BICD1: variants seen among roughly 807,000 people sequenced by gnomAD.
The protein encoded by BICD1 is protein bicaudal D homolog 1.
BICD1 carries 35 observed loss-of-function variants against 92.5 expected under a neutral mutation model. That is an observed-to-expected ratio of 0.38 (90% CI 0.29 to 0.50). The LOEUF is 0.50. Among genes scored for constraint, BICD1 ranks in the 20% least tolerant of loss-of-function variants. The probability of loss-of-function intolerance (pLI) is 0.93; values close to 1 mark genes in which losing one functional copy is unlikely to be tolerated. For synonymous variants in BICD1, 429 were observed against 465.1 expected (o/e 0.92, Z 1.00); for missense variants, 950 against 1,189.8 (o/e 0.80, Z 2.97).
chr12:32,205,537 T>C (rs1945024681), intron 1 of BICD1, among the ~76,000 whole-genome samples: 1 of 151,762 alleles, frequency 6.6e-6, no homozygotes, highest in Non-Finnish European at 1.5e-5. Context: ...GTACAGTTTT[T>C]GTAATCTTTT....
chr12:32,282,839 C>T (rs940289325), intron 2 of BICD1, among the ~76,000 whole-genome samples: 8 of 152,116 alleles, frequency 5.3e-5, no homozygotes, highest in Non-Finnish European at 8.8e-5. Flanking sequence ...AGGTGGCCAC[C>T]GATCCAATGA....
At chr12:32,156,650 T>A (rs1397805788) in intron 1 of BICD1, among the ~76,000 whole-genome samples, 1 of 152,184 alleles carries the variant, frequency 6.6e-6, no homozygotes, top group Admixed American at 6.6e-5. Flanking sequence ...TATTACTCTT[T>A]CCTGAAGAGC....
At chr12:32,221,644 G>A (rs1273472421) in intron 2 of BICD1, among the ~76,000 whole-genome samples, 1 of 151,756 alleles carries the variant, frequency 6.6e-6, no homozygotes, top group African/African-American at 2.4e-5. Context: ...TTGCGCCACT[G>A]TACTCCAGCC....
chr12:32,208,069 G>A (rs1001079281), intron 1 of BICD1, among the ~76,000 whole-genome samples: 2 of 152,180 alleles, frequency 1.3e-5, no homozygotes, highest in Non-Finnish European at 2.9e-5. Context: ...ATTTTGGTAC[G>A]AATTTTATAT....
intron 8 of BICD1, among the ~76,000 whole-genome samples, chr12:32,341,540 A>G (rs920241114): frequency 2.6e-5 from 4 of 152,158 alleles, no homozygotes; most frequent in Non-Finnish European, 4.4e-5. Context: ...CATGCTAATG[A>G]CAGCTTAACA....
chr12:32,124,200 A>T (rs1942250979), intron 1 of BICD1, among the ~76,000 whole-genome samples: 1 of 152,230 alleles, frequency 6.6e-6, no homozygotes, highest in Non-Finnish European at 1.5e-5. Flanking sequence ...TTTATTTATT[A>T]AATCTTTAGA....
At chr12:32,197,125 C>T (rs1252658232) in intron 1 of BICD1, among the ~76,000 whole-genome samples, 1 of 151,876 alleles carries the variant, frequency 6.6e-6, no homozygotes, top group African/African-American at 2.4e-5. Flanking sequence ...TCTTATGCCT[C>T]AGCCTCCGGA....
chr12:32,222,871 A>G lies in BICD1; in HGVS notation c.426+6412A>G, dbSNP rs76380587. ...ACAAGGTGCCATCTTGGACGCAGAG[A>G]GCAGCTCTCACCAGACACTGAACCT... On this transcript the variant is annotated intron_variant, in intron 2 of 9. Coordinates refer to ENST00000652176, the MANE Select transcript of BICD1 (RefSeq NM_001714.4). 8.5e-3 allele frequency among the ~76,000 whole-genome samples: 1,301 copies of G among 152,276 alleles called. 16 individuals are homozygous for G. The highest frequency in any genetic ancestry group is 0.03 in the African/African-American group (1,230 of 41,538).
At chr12:32,116,795 G>A (rs1488731701) in intron 1 of BICD1, among the ~76,000 whole-genome samples, 2 of 151,790 alleles carry the variant, frequency 1.3e-5, no homozygotes, top group South Asian at 2.1e-4. Flanking sequence ...GCTCAGGCTG[G>A]TCTTGAACTT....
At chr12:32,201,794 A>AC (rs1167144520) in intron 1 of BICD1, among the ~76,000 whole-genome samples, 3 of 152,138 alleles carry the variant, frequency 2.0e-5, no homozygotes, top group South Asian at 2.1e-4. Context: ...AAAAAAAAAA[A>AC]ACACAATCTT....
chr12:32,220,985 A>G (rs1006136069), intron 2 of BICD1, among the ~76,000 whole-genome samples: 4 of 150,038 alleles, frequency 2.7e-5, no homozygotes, highest in African/African-American at 9.8e-5. Context: ...TCCGTAAACT[A>G]TTGCAAGAAC....
intron 3 of BICD1, among the ~76,000 whole-genome samples, chr12:32,304,246 A>G (rs890096669): frequency 6.6e-6 from 1 of 152,224 alleles, no homozygotes; most frequent in Non-Finnish European, 1.5e-5. Flanking sequence ...ATATATGATG[A>G]TGATACTGGT....
At position 32,313,923 on chromosome 12, in the gene BICD1, G is replaced by T. The variant is rs201287856; in HGVS notation, c.1005+7801G>T. On this transcript the variant is annotated intron_variant, in intron 4 of 9. Coordinates refer to ENST00000652176, the MANE Select transcript of BICD1 (RefSeq NM_001714.4). This position sits in a 1 kb window ranked among gnomAD's most constrained non-coding sequence, Gnocchi z 4.2. The stretch of plus-strand genomic sequence containing the variant: ...TTGAGTCTGGGAGGAGGTCAAGGCT[G>T]CAGTGAGCCATGACCATGCCACTGC... 6.6e-6 allele frequency among the ~76,000 whole-genome samples: 1 copy of T among 152,042 alleles called. No homozygotes were observed.
chr12:32,272,448 C>T (rs1189919298), intron 2 of BICD1, among the ~76,000 whole-genome samples: 1 of 152,140 alleles, frequency 6.6e-6, no homozygotes, highest in African/African-American at 2.4e-5. Flanking sequence ...TCCTGAAGAC[C>T]TTTCTCTGGA....
chr12:32,215,815 G>A (rs1010944883), intron 1 of BICD1, among the ~76,000 whole-genome samples: 1 of 151,546 alleles, frequency 6.6e-6, no homozygotes, highest in East Asian at 1.9e-4. Flanking sequence ...TTAGCCGGGC[G>A]TGTTGGTGGG....
At position 32,342,861 on chromosome 12, in the gene BICD1, A is replaced by G. The variant is rs149014292; in HGVS notation, c.2764+3882A>G. Among the ~76,000 whole-genome samples, 290 of 152,274 alleles carry G rather than the reference A, an allele frequency of 1.9e-3. 2 individuals are homozygous for G. The highest frequency in any genetic ancestry group is 6.5e-3 in the African/African-American group (271 of 41,548). ...ACAATTTCTCCATTCTGGAGAATCA[A>G]CTATAGGGTGAGGCACTGATTTTCA... On this transcript the variant is annotated intron_variant, in intron 8 of 9. Coordinates refer to ENST00000652176, the MANE Select transcript of BICD1 (RefSeq NM_001714.4).
At chr12:32,332,685 G>A (rs980397244) in intron 5 of BICD1, 1 of 330,386 alleles carries the variant, frequency 3.0e-6, no homozygotes, top group Non-Finnish European at 4.3e-6. Flanking sequence ...TAGAGGAGCG[G>A]AAAAGACTTC....
chr12:32,236,558 C>A (rs886469470), intron 2 of BICD1, among the ~76,000 whole-genome samples: 3 of 152,140 alleles, frequency 2.0e-5, no homozygotes, highest in Non-Finnish European at 4.4e-5. Flanking sequence ...AATAGCCCTA[C>A]AATGGCTTCT....
At chr12:32,198,086 T>A (rs1944776807) in intron 1 of BICD1, among the ~76,000 whole-genome samples, 1 of 151,712 alleles carries the variant, frequency 6.6e-6, no homozygotes, top group African/African-American at 2.4e-5. Context: ...ATGCCTGTAA[T>A]CCCAGCTACT....
Sources: gnomAD v4.1 joint callset for allele counts (sites outside exome capture counted in the v4.1 genomes callset) on GRCh38, gnomAD v4.1.1 for gene constraint, Gnocchi (gnomAD v3.1) non-coding constraint, MANE v1.5 for transcripts, NCBI Gene and HGNC (gene_info 2026-07-23, HGNC 2026-07-21) for gene names.